APPL2: variants seen among roughly 807,000 people sequenced by gnomAD.
The protein encoded by APPL2 is DCC-interacting protein 13-beta.
Under a neutral mutation model 92.7 loss-of-function variants are expected in APPL2, and 84 were observed. The observed-to-expected ratio is 0.91, with a 90% CI of 0.76 to 1.09. The LOEUF is 1.09. APPL2 is among the 50% of genes least tolerant of loss of function. The probability of loss-of-function intolerance (pLI) is 0.00; values close to 1 mark genes in which losing one functional copy is unlikely to be tolerated. For missense variants in APPL2, 736 were observed against 824.5 expected, an observed-to-expected ratio of 0.89 and a Z score of 1.31; for synonymous variants, 291 against 291.0, an observed-to-expected ratio of 1.00 and a Z score of 0.00.
intron 20 of APPL2, among the ~76,000 whole-genome samples, chr12:105,174,819 A>G (rs979162274): frequency 4.1e-5 from 6 of 147,526 alleles, no homozygotes; most frequent in Admixed American, 7.1e-5. Context: ...TTTTTATTGG[A>G]AAACAGCTGC....
intron 4 of APPL2, among the ~76,000 whole-genome samples, chr12:105,215,395 G>C (rs1398182805): frequency 6.6e-6 from 1 of 152,192 alleles, no homozygotes; most frequent in African/African-American, 2.4e-5. Context: ...AGTGCTGAAA[G>C]TATAGAAAGA....
At chr12:105,213,378 C>T (rs144305475) in intron 4 of APPL2, among the ~76,000 whole-genome samples, 1 of 152,370 alleles carries the variant, frequency 6.6e-6, no homozygotes, top group Non-Finnish European at 1.5e-5. Context: ...ACTTTAGCAT[C>T]ACCATATAGA....
chr12:105,221,541 A>G (rs976170968), intron 2 of APPL2, among the ~76,000 whole-genome samples: 3 of 152,178 alleles, frequency 2.0e-5, no homozygotes, highest in African/African-American at 7.2e-5. Flanking sequence ...GCACCTACTC[A>G]ATACTCAGGT....
chr12:105,186,919 T>C (rs1388837009), intron 17 of APPL2, among the ~76,000 whole-genome samples: 2 of 151,972 alleles, frequency 1.3e-5, no homozygotes, highest in African/African-American at 4.8e-5. Context: ...CCTTGGTCCA[T>C]TTTTTAATTG....
At chr12:105,215,297 T>C (rs776972392) in intron 4 of APPL2, among the ~76,000 whole-genome samples, 7 of 152,100 alleles carry the variant, frequency 4.6e-5, no homozygotes, top group African/African-American at 9.7e-5. Flanking sequence ...TATGTCAGAA[T>C]TGAGTTAAAT....
chr12:105,191,386 TG>T (rs1452286476), intron 14 of APPL2, among the ~76,000 whole-genome samples: 1 of 152,186 alleles, frequency 6.6e-6, no homozygotes, highest in Non-Finnish European at 1.5e-5. Context: ...TAACCCTAAA[TG>T]GGACAGTCAC....
chr12:105,212,989 A>T (rs1352759778), intron 4 of APPL2, among the ~76,000 whole-genome samples: 2 of 152,244 alleles, frequency 1.3e-5, no homozygotes, highest in Non-Finnish European at 2.9e-5. Flanking sequence ...TGCCTTCAGA[A>T]CAGAATGTGA....
chr12:105,210,623 G>T (rs1889136284), intron 5 of APPL2, among the ~76,000 whole-genome samples: 1 of 152,010 alleles, frequency 6.6e-6, no homozygotes, highest in African/African-American at 2.4e-5. Context: ...CTTTATTTTA[G>T]TTGAAGAACC....
At position 105,198,056 on chromosome 12, in the gene APPL2, ATG is replaced by A. The variant is rs1887822457; in HGVS notation, c.864-105_864-104del. 5.1e-6 allele frequency: 6 copies of A among 1,185,532 alleles called. No homozygotes were observed. The Admixed American group carries it at 1.4e-4, about 27-fold the overall frequency. 73.4% of individuals were successfully genotyped at this position (1,185,532 alleles called of 1,614,324 possible). A position where few individuals can be genotyped will look rare whatever the true frequency, so the allele number is the denominator to read the frequency against. Reference sequence around the variant, plus strand: ...GGGTACTGGTGGCATTTTAGAAATAATGTGTTTCTTTATATCGTTAAAGCAAA... The same window carrying A: ...GGGTACTGGTGGCATTTTAGAAATAATGTTTCTTTATATCGTTAAAGCAAA... On this transcript the variant is annotated intron_variant, in intron 10 of 20. Transcript: ENST00000258530.
At chr12:105,213,500 A>G (rs1007281985) in intron 4 of APPL2, among the ~76,000 whole-genome samples, 2 of 152,212 alleles carry the variant, frequency 1.3e-5, no homozygotes, top group Non-Finnish European at 2.9e-5. Context: ...TCGGTCTTCA[A>G]TCAGTGGACT....
intron 2 of APPL2, 121 bp downstream of exon 2, chr12:105,229,004 T>C (rs1707975442): frequency 3.6e-6 from 3 of 841,436 alleles, no homozygotes; most frequent in Admixed American, 2.9e-5. Context: ...ACAGTTCTGA[T>C]TTTGTTTCAA....
intron 14 of APPL2, among the ~76,000 whole-genome samples, chr12:105,193,940 G>C (rs1242573070): frequency 6.6e-6 from 1 of 152,100 alleles, no homozygotes; most frequent in African/African-American, 2.4e-5. Flanking sequence ...CCTAAGCAGG[G>C]CACCCAGGTC....
rs1380901384 is a variant in APPL2, at chr12:105,203,617, T to C, written c.704+86A>G. The C allele has an allele frequency of 3.1e-6, 4 of 1,296,152 alleles. No individual in the cohort carries two copies. The African/African-American group carries it at 4.4e-5, about 14-fold the overall frequency. 80.3% of individuals were successfully genotyped at this position (1,296,152 alleles called of 1,614,324 possible). A position where few individuals can be genotyped will look rare whatever the true frequency, so the allele number is the denominator to read the frequency against. On this transcript the variant is annotated intron_variant, in intron 9 of 20. Coordinates refer to ENST00000258530, the MANE Select transcript of APPL2 (RefSeq NM_018171.5). Reference sequence around the variant, plus strand: ...GAGGCTCTGTGCGACCCTCCACAGTTAGAACCCTCCCCGTGACCTCCCAGA... The same window carrying C: ...GAGGCTCTGTGCGACCCTCCACAGTCAGAACCCTCCCCGTGACCTCCCAGA...
At position 105,173,478 on chromosome 12, in the gene APPL2, GA is replaced by G. The variant is rs1367869780; in HGVS notation, c.*835del. 6.6e-6 allele frequency: 1 copy of G among 152,532 alleles called. No individual in the cohort carries two copies. Among genetic ancestry groups the G allele is most frequent in the African/African-American group, 2.4e-5 (1 of 41,410 alleles). 9.4% of individuals were successfully genotyped at this position (152,532 alleles called of 1,614,324 possible). On this transcript the variant is annotated 3_prime_UTR_variant, in exon 21 of 21. Transcript: ENST00000258530. ...ATTGGAAGTATCAGGGTGGAAATAGGAACTTTATACCAAGCCCCATGACCAG... is the reference window on the plus strand; with the variant it reads ...ATTGGAAGTATCAGGGTGGAAATAGGACTTTATACCAAGCCCCATGACCAG...
At chr12:105,218,781 G>A (rs558567012) in intron 2 of APPL2, among the ~76,000 whole-genome samples, 1 of 152,350 alleles carries the variant, frequency 6.6e-6, no homozygotes, top group East Asian at 1.9e-4. Context: ...GGCAATGATG[G>A]ATGGTAACAG....
At chr12:105,187,277 T>C (rs1002148927) in intron 17 of APPL2, among the ~76,000 whole-genome samples, 3 of 152,252 alleles carry the variant, frequency 2.0e-5, no homozygotes, top group Admixed American at 6.5e-5. Context: ...TAATTTTTGC[T>C]ATAGTCCTAG....
At chr12:105,189,680 T>G (rs1041931609) in intron 16 of APPL2, 92 bp downstream of exon 16, 2 of 1,358,654 alleles carry the variant, frequency 1.5e-6, no homozygotes, top group African/African-American at 1.4e-5. Context: ...CTCCTAATCA[T>G]AGCTCTCTAA....
intron 16 of APPL2, among the ~76,000 whole-genome samples, 161 bp from the exon 17 acceptor site, chr12:105,188,608 C>T (rs1048828619): frequency 5.3e-5 from 8 of 152,176 alleles, no homozygotes; most frequent in Non-Finnish European, 8.8e-5. Context: ...CAAAGCTCTG[C>T]GTCTTCCATT....
Position 105,174,281 on chromosome 12 carries a change from C to T in APPL2, c.*33G>A. 12 of 1,610,154 alleles carry T rather than the reference C, an allele frequency of 7.5e-6. No individual in the cohort carries two copies. The highest frequency in any genetic ancestry group is 1.0e-5 in the Non-Finnish European group (12 of 1,178,120). ...AAACCCTTAGGAGGTAGCTCTCCTT[C>T]CTGTTTGCTCTTCCCCCACAGGCGC... On this transcript the variant is annotated 3_prime_UTR_variant, in exon 21 of 21. Coordinates refer to ENST00000258530, the MANE Select transcript of APPL2 (RefSeq NM_018171.5).
Sources: gnomAD v4.1 joint callset for allele counts (sites outside exome capture counted in the v4.1 genomes callset) on GRCh38, gnomAD v4.1.1 for gene constraint, MANE v1.5 for transcripts, NCBI Gene and HGNC (gene_info 2026-07-23, HGNC 2026-07-21) for gene names.